Variants in LRP1B observed in about 807,000 individuals in gnomAD.
LRP1B encodes low-density lipoprotein receptor-related protein 1B.
In LRP1B, 217 loss-of-function variants were observed where a neutral mutation model predicts 556.6. That is an observed-to-expected ratio of 0.39 (90% CI 0.35 to 0.44). The LOEUF (loss-of-function observed/expected upper bound fraction) is 0.44. Ranked by LOEUF, LRP1B falls within the 20% of genes least tolerant of loss-of-function variation. The probability of loss-of-function intolerance (pLI) is 1.00; values close to 1 mark genes in which losing one functional copy is unlikely to be tolerated. For missense variants in LRP1B, 5,053 were observed against 5,620.8 expected (o/e 0.90, Z 3.23); for synonymous variants, 2,047 against 1,865.8 (o/e 1.10, Z -2.50).
At chr2:141,684,965 C>A (rs1363327850) in intron 2 of LRP1B, among the ~76,000 whole-genome samples, 1 of 152,054 alleles carries the variant, frequency 6.6e-6, no homozygotes, top group African/African-American at 2.4e-5. Flanking sequence ...ACTCTCAGGG[C>A]AGAGCTGCAC....
chr2:140,714,696 G>A (rs1470526573), intron 37 of LRP1B, among the ~76,000 whole-genome samples: 1 of 152,180 alleles, frequency 6.6e-6, no homozygotes, highest in East Asian at 1.9e-4. Context: ...TCTTGCCTTA[G>A]AATAATGATT....
chr2:141,596,314 A>G (rs947626964), intron 2 of LRP1B, among the ~76,000 whole-genome samples: 1 of 152,014 alleles, frequency 6.6e-6, no homozygotes, highest in Admixed American at 6.6e-5. Context: ...GAAATAAATT[A>G]CTTGACAAAA....
Position 140,770,955 on chromosome 2 carries a change from G to A in LRP1B, c.5552C>T (p.Pro1851Leu), listed in dbSNP as rs748489530. ...NNGGCSQLCLPTSETTRTCMC... is the reference protein window; with the variant it reads ...NNGGCSQLCLLTSETTRTCMC... ...ACAAGTCCTTGTAGTTTCAGATGTTGGTAAACAAAGTTGAGAGCATCCACC... is the reference window on the plus strand; with the variant it reads ...ACAAGTCCTTGTAGTTTCAGATGTTAGTAAACAAAGTTGAGAGCATCCACC... Residue 1851 changes from proline (P) to leucine (L), a missense_variant, in exon 34 of 91, where the codon CCA (proline) becomes CTA (leucine). Coordinates refer to ENST00000389484, the MANE Select transcript of LRP1B (RefSeq NM_018557.3). 1.9e-6 allele frequency: 3 copies of A among 1,589,748 alleles called. No homozygotes were observed. Among genetic ancestry groups the A allele is most frequent in the African/African-American group, 1.4e-5 (1 of 73,268 alleles).
At chr2:141,772,049 C>G (rs989118244) in intron 2 of LRP1B, among the ~76,000 whole-genome samples, 13 of 152,014 alleles carry the variant, frequency 8.6e-5, no homozygotes, top group African/African-American at 2.9e-4. Flanking sequence ...AACTCCTGAC[C>G]TCGTGATCCA....
chr2:141,426,700 C>T (rs1373669308), intron 3 of LRP1B, among the ~76,000 whole-genome samples: 1 of 152,114 alleles, frequency 6.6e-6, no homozygotes, highest in African/African-American at 2.4e-5. Flanking sequence ...GAAGTACTTT[C>T]ATATAATGCT....
At chr2:141,440,911 C>T in intron 3 of LRP1B, among the ~76,000 whole-genome samples, 1 of 152,174 alleles carries the variant, frequency 6.6e-6, no homozygotes, top group East Asian at 1.9e-4. Context: ...CTGGTTGTCA[C>T]ACTGAAGGAA....
chr2:140,398,216 T>C (rs191868303), intron 66 of LRP1B, among the ~76,000 whole-genome samples: 3 of 152,226 alleles, frequency 2.0e-5, no homozygotes, highest in Admixed American at 1.3e-4. Context: ...GAGGGGAATA[T>C]AGAGAAAATT....
At chr2:140,760,938 G>A (rs1383610516) in intron 35 of LRP1B, among the ~76,000 whole-genome samples, 1 of 151,742 alleles carries the variant, frequency 6.6e-6, no homozygotes, top group East Asian at 1.9e-4. Flanking sequence ...AACAGAAAAA[G>A]CCATCCATCC....
intron 2 of LRP1B, among the ~76,000 whole-genome samples, chr2:141,648,093 GA>G (rs969688778): frequency 1.5e-4 from 23 of 149,682 alleles, no homozygotes; most frequent in East Asian, 5.9e-4. Context: ...TGTGATTCAG[GA>G]AAAAAAAAAT....
intron 2 of LRP1B, among the ~76,000 whole-genome samples, chr2:141,684,531 C>T (rs1691223327): frequency 6.6e-6 from 1 of 151,880 alleles, no homozygotes; most frequent in South Asian, 2.1e-4. Flanking sequence ...TGCAGCAAAC[C>T]ACCATGGCAT....
chr2:141,076,537 TATAAA>T (rs1266050533), intron 7 of LRP1B, among the ~76,000 whole-genome samples: 1 of 152,204 alleles, frequency 6.6e-6, no homozygotes, highest in Non-Finnish European at 1.5e-5. Context: ...TATCTAACAA[TATAAA>T]ATATTCATTT....
At chr2:140,660,383 T>A (rs1295889806) in intron 41 of LRP1B, among the ~76,000 whole-genome samples, 1 of 152,192 alleles carries the variant, frequency 6.6e-6, no homozygotes, top group Non-Finnish European at 1.5e-5. Context: ...TTCTTGTATT[T>A]TTGTGATTCC....
chr2:140,894,999 T>C (rs2105208968), intron 23 of LRP1B, among the ~76,000 whole-genome samples: 1 of 151,056 alleles, frequency 6.6e-6, no homozygotes, highest in South Asian at 2.1e-4. Context: ...TAATCAGATC[T>C]GGGGTGAAAA....
At chr2:142,058,783 T>G (rs551103157) in intron 1 of LRP1B, among the ~76,000 whole-genome samples, 23 of 152,130 alleles carry the variant, frequency 1.5e-4, no homozygotes, top group Non-Finnish European at 3.2e-4. Context: ...CCTCAAACCT[T>G]TAATTCTCTC....
chr2:140,572,795 C>CATAAAATACAATAAAATAAA (rs1681373270), intron 43 of LRP1B, among the ~76,000 whole-genome samples: 1 of 135,032 alleles, frequency 7.4e-6, no homozygotes, highest in African/African-American at 2.8e-5. Context: ...ACTATTCAGC[C>CATAAAATACAATAAAATAAA]ATAAAATAAA....
intron 15 of LRP1B, among the ~76,000 whole-genome samples, chr2:140,999,952 C>A (rs923378737): frequency 6.6e-6 from 1 of 152,002 alleles, no homozygotes; most frequent in East Asian, 1.9e-4. Flanking sequence ...TGCTCTGTCA[C>A]CTAGGCTGGA....
intron 1 of LRP1B, among the ~76,000 whole-genome samples, chr2:142,006,603 G>A (rs1484449226): frequency 6.6e-6 from 1 of 152,198 alleles, no homozygotes; most frequent in African/African-American, 2.4e-5. Context: ...GCAGAAGGCT[G>A]GTCTCTGGCA....
At chr2:140,854,885 A>G (rs1479912675) in intron 27 of LRP1B, among the ~76,000 whole-genome samples, 1 of 152,188 alleles carries the variant, frequency 6.6e-6, no homozygotes, top group Non-Finnish European at 1.5e-5. Context: ...CTTCTACCAA[A>G]GCCAAGCCTA....
At chr2:141,353,562 C>T (rs1688519726) in intron 3 of LRP1B, among the ~76,000 whole-genome samples, 1 of 151,860 alleles carries the variant, frequency 6.6e-6, no homozygotes, top group South Asian at 2.1e-4. Flanking sequence ...ACGTTTTGAT[C>T]TATTATTTTA....
Sources: allele counts gnomAD v4.1 joint callset (sites outside exome capture counted in the v4.1 genomes callset), GRCh38; gene constraint gnomAD v4.1.1; transcripts MANE v1.5; gene names NCBI Gene and HGNC (gene_info 2026-07-23, HGNC 2026-07-21).